WHRN: variants seen among roughly 807,000 people sequenced by gnomAD.
WHRN encodes CASK-interacting protein CIP98.
Under a neutral mutation model 68.3 loss-of-function variants are expected in WHRN, and 41 were observed. That is an observed-to-expected ratio of 0.60 (90% CI 0.47 to 0.78). The LOEUF (loss-of-function observed/expected upper bound fraction) is 0.78. Among genes scored for constraint, WHRN ranks in the 30% least tolerant of loss-of-function variants. The probability of loss-of-function intolerance (pLI) is 0.00; values close to 1 mark genes in which losing one functional copy is unlikely to be tolerated. For missense variants in WHRN, 1,243 were observed against 1,244.7 expected (o/e 1.00, Z 0.02); for synonymous variants, 560 against 561.3 (o/e 1.00, Z 0.03).
intron 8 of WHRN, among the ~76,000 whole-genome samples, chr9:114,407,176 A>C (rs1329464545): frequency 1.3e-5 from 2 of 152,240 alleles, no homozygotes; most frequent in Admixed American, 1.3e-4. Context: ...ACAGGGAACA[A>C]GACTTCATTA....
At chr9:114,412,002 A>C (rs984084490) in intron 7 of WHRN, among the ~76,000 whole-genome samples, 1 of 152,162 alleles carries the variant, frequency 6.6e-6, no homozygotes, top group Non-Finnish European at 1.5e-5. Context: ...ATTCCCTGCT[A>C]CTAACTGCAT....
chr9:114,424,203 A>T, intron 6 of WHRN, 131 bp downstream of exon 6: 1 of 1,068,858 alleles, frequency 9.4e-7, no homozygotes, highest in Non-Finnish European at 1.4e-6. Context: ...AGGCTGCCTC[A>T]GTCCCAGGTC....
Position 114,423,351 on chromosome 9 carries a change from C to G in WHRN, c.1589G>C (p.Gly530Ala). The change falls in exon 7 of 12, where the codon GGC becomes GCC. Residue 530 changes from glycine to alanine, a missense_variant. Physicochemically the swap from Gly to Ala is moderately conservative, Grantham distance 60 (BLOSUM62 0). Transcript: ENST00000362057. The part of the protein sequence containing the change: ...VSYSDTGSST[G>A]SHGTSTTVSS... ...GACGGTGGTGGAGGTGCCGTGGCTG[C>G]CTGTGGATGAACCCGTGTCACTGTA... The G allele has an allele frequency of 6.2e-7, 1 of 1,613,958 alleles. No homozygotes were observed. The highest frequency in any genetic ancestry group is 1.3e-5 in the African/African-American group (1 of 75,008).
chr9:114,429,997 G>A (rs767475216), intron 3 of WHRN, among the ~76,000 whole-genome samples: 4 of 152,232 alleles, frequency 2.6e-5, no homozygotes, highest in Non-Finnish European at 5.9e-5. Context: ...TCTTCATCGC[G>A]CAAGGGCTTT....
intron 2 of WHRN, among the ~76,000 whole-genome samples, chr9:114,470,810 G>A (rs1841149418): frequency 6.6e-6 from 1 of 152,070 alleles, no homozygotes; most frequent in Non-Finnish European, 1.5e-5. Flanking sequence ...CCTGCAGTCA[G>A]TCCCCCGCCC....
At chr9:114,469,032 T>C (rs10817617) in intron 2 of WHRN, among the ~76,000 whole-genome samples, 43,157 of 152,174 alleles carry the variant, frequency 0.28, 6,390 homozygotes, top group Admixed American at 0.36. Context: ...CCTCAGTTTC[T>C]TCATCTAGAA....
chr9:114,424,259 C>T (rs1372726426), intron 6 of WHRN, 75 bp downstream of exon 6: 1 of 1,557,622 alleles, frequency 6.4e-7, no homozygotes. Flanking sequence ...AGGTTCTCAG[C>T]AAAGGAGCGG....
chr9:114,489,199 G>A (rs1842766334), intron 1 of WHRN, among the ~76,000 whole-genome samples: 1 of 152,148 alleles, frequency 6.6e-6, no homozygotes, highest in Admixed American at 6.5e-5. Flanking sequence ...AGAAATTGTT[G>A]TGGCTTGATC....
At position 114,402,635 on chromosome 9, in the gene WHRN, G is replaced by T; in HGVS notation, c.*119C>A. The T allele has an allele frequency of 7.8e-7, 1 of 1,285,132 alleles. No individual in the cohort carries two copies. The highest frequency in any genetic ancestry group is 1.1e-6 in the Non-Finnish European group (1 of 894,034). The allele number at this position is 1,285,132 out of a possible 1,614,324, so 79.6% of individuals were successfully genotyped here. A position where few individuals can be genotyped will look rare whatever the true frequency, so the allele number is the denominator to read the frequency against. On this transcript the variant is annotated 3_prime_UTR_variant, in exon 12 of 12. Coordinates refer to ENST00000362057, the MANE Select transcript of WHRN (RefSeq NM_015404.4). ...CAGTGGGCTGGGATGGAGGGGGGAT[G>T]TCTTCCTGCCACCCTGGCCATGCAG... is the stretch of plus-strand genomic sequence containing the variant.
intron 7 of WHRN, 65 bp from the exon 8 acceptor site, chr9:114,408,083 C>T: frequency 7.4e-7 from 1 of 1,358,480 alleles, no homozygotes; most frequent in Admixed American, 2.0e-5. Context: ...GGTTTGTTCT[C>T]CAGCACACCA....
At chr9:114,413,486 C>A (rs1182896419) in intron 7 of WHRN, among the ~76,000 whole-genome samples, 1 of 152,008 alleles carries the variant, frequency 6.6e-6, no homozygotes. Context: ...GGGTCAGGGG[C>A]CAGGGAGCCA....
intron 4 of WHRN, chr9:114,425,418 C>T (rs1404648134): frequency 1.7e-5 from 9 of 529,634 alleles, no homozygotes; most frequent in South Asian, 8.3e-5. Flanking sequence ...CTCGCAGGTG[C>T]GGCTCAGCTC....
At chr9:114,403,768 G>C (rs1327527477) in intron 10 of WHRN, 128 bp downstream of exon 10, 1 of 1,192,342 alleles carries the variant, frequency 8.4e-7, no homozygotes, top group Non-Finnish European at 1.2e-6. Context: ...AATCCCTCCA[G>C]TTATAGGGAG....
At chr9:114,408,771 C>T (rs1180363067) in intron 7 of WHRN, among the ~76,000 whole-genome samples, 1 of 152,188 alleles carries the variant, frequency 6.6e-6, no homozygotes, top group Non-Finnish European at 1.5e-5. Context: ...GCTGGTAAAA[C>T]ATTATTTCTG....
Position 114,404,084 on chromosome 9 carries a change from AG to A in WHRN, c.2237-8del. The A allele has an allele frequency of 6.2e-7, 1 of 1,612,052 alleles. No homozygotes were observed. The highest frequency in any genetic ancestry group is 8.5e-7 in the Non-Finnish European group (1 of 1,179,896). ...TGGGAGAGCGTAGAGGCTGCTGGAG[AG>A]GGGAAAAGGAAGAGAGAAGCAGCTT... On this transcript the variant is annotated splice_polypyrimidine_tract_variant and splice_region_variant and intron_variant, in intron 9 of 11. Coordinates refer to ENST00000362057, the MANE Select transcript of WHRN (RefSeq NM_015404.4).
chr9:114,448,242 C>T (rs1194265383), intron 3 of WHRN, among the ~76,000 whole-genome samples: 1 of 152,000 alleles, frequency 6.6e-6, no homozygotes, highest in Non-Finnish European at 1.5e-5. Flanking sequence ...ATTTGAGCCA[C>T]AAAGAAACAT....
At chr9:114,478,969 T>C (rs759169900) in intron 1 of WHRN, among the ~76,000 whole-genome samples, 198 bp from the exon 2 acceptor site, 1 of 152,158 alleles carries the variant, frequency 6.6e-6, no homozygotes, top group Admixed American at 6.5e-5. Flanking sequence ...CATCCTGAAG[T>C]GGTCCAAATA....
In WHRN at chr9:114,423,191, A is replaced by G. The variant is rs150704552; in HGVS notation, c.1626+123T>C. 6.5e-4 allele frequency: 663 copies of G among 1,025,212 alleles called. 3 individuals are homozygous for G. In the East Asian group the frequency reaches 0.015, roughly 23 times the overall value. The allele number at this position is 1,025,212 out of a possible 1,614,324, so 63.5% of individuals were successfully genotyped here. On this transcript the variant is annotated intron_variant, in intron 7 of 11. Coordinates refer to ENST00000362057, the MANE Select transcript of WHRN (RefSeq NM_015404.4). ...CAGAGGAAGAAACTGAGGCTCAGAG[A>G]GGCAAGGCACACAGCTGGTAAGTGG...
chr9:114,468,347 A>G (rs10982235), intron 2 of WHRN, among the ~76,000 whole-genome samples: 43,138 of 152,016 alleles, frequency 0.28, 6,393 homozygotes, highest in Admixed American at 0.36. Context: ...CAGCCAACTC[A>G]TGGCCAAGTC....
Sources: allele counts gnomAD v4.1 joint callset (sites outside exome capture counted in the v4.1 genomes callset), GRCh38; gene constraint gnomAD v4.1.1; transcripts MANE v1.5; gene names NCBI Gene and HGNC (gene_info 2026-07-23, HGNC 2026-07-21).